Variants in CPLX2 observed in about 807,000 individuals in gnomAD.
The protein encoded by CPLX2 is complexin 2.
Under a neutral mutation model 16.3 loss-of-function variants are expected in CPLX2, and 5 were observed. That is an observed-to-expected ratio of 0.31 (90% CI 0.16 to 0.64). The LOEUF is 0.64. Ranked by LOEUF, CPLX2 falls within the 30% of genes least tolerant of loss-of-function variation. The probability of loss-of-function intolerance (pLI) is 0.79; values close to 1 mark genes in which losing one functional copy is unlikely to be tolerated. For missense variants in CPLX2, 144 were observed against 181.4 expected, an observed-to-expected ratio of 0.79 and a Z score of 1.18; for synonymous variants, 89 against 73.2, an observed-to-expected ratio of 1.22 and a Z score of -1.10.
At position 175,881,439 on chromosome 5, in the gene CPLX2, T is replaced by A. The variant is rs1008758750; in HGVS notation, c.*1394T>A. 2.0e-5 allele frequency: 3 copies of A among 153,518 alleles called. No homozygotes were observed. Among genetic ancestry groups the A allele is most frequent in the African/African-American group, 7.2e-5 (3 of 41,460 alleles). 9.5% of individuals were successfully genotyped at this position (153,518 alleles called of 1,614,324 possible). ...ATCTCGTGTTTAGAGGCTGTATATG[T>A]TAGCTTGTGTAAGAATGTGTTTTCA... is the stretch of plus-strand genomic sequence containing the variant. On this transcript the variant is annotated 3_prime_UTR_variant, in exon 4 of 4. Coordinates refer to ENST00000393745, the MANE Select transcript of CPLX2 (RefSeq NM_001008220.2).
upstream of CPLX2, chr5:175,871,459 G>GAA (rs1200323615): frequency 8.4e-5 from 12 of 142,646 alleles, no homozygotes; most frequent in South Asian, 7.3e-4. Flanking sequence ...GAGAGAGAGA[G>GAA]AGAGAGAGAG....
At chr5:175,801,570 G>A (rs1758097548) in intron 1 of CPLX2, among the ~76,000 whole-genome samples, 1 of 152,194 alleles carries the variant, frequency 6.6e-6, no homozygotes, top group African/African-American at 2.4e-5. Context: ...TTGAGAAGCT[G>A]TGTGGGTTTA....
chr5:175,880,105 CTTTTT>C lies in CPLX2; in HGVS notation c.*61_*65del, dbSNP rs774825926. The C allele has an allele frequency of 2.0e-6, 3 of 1,534,716 alleles. No individual in the cohort carries two copies. Among genetic ancestry groups the C allele is most frequent in the East Asian group, 2.4e-5 (1 of 41,480 alleles). On this transcript the variant is annotated 3_prime_UTR_variant, in exon 4 of 4. Coordinates refer to ENST00000393745, the MANE Select transcript of CPLX2 (RefSeq NM_001008220.2). Reference sequence around the variant, plus strand: ...CTACTTCTTTTTGGTTCTTTCTTTTCTTTTTATTAGGTTAAGTCTCAATTCTGAAG... The same window carrying C: ...CTACTTCTTTTTGGTTCTTTCTTTTCATTAGGTTAAGTCTCAATTCTGAAG...
chr5:175,805,806 G>A (rs532013956), intron 1 of CPLX2, among the ~76,000 whole-genome samples: 1 of 152,206 alleles, frequency 6.6e-6, no homozygotes, highest in African/African-American at 2.4e-5. Context: ...TCGTGGCTGG[G>A]AGAGGACCTC....
At chr5:175,806,768 G>A (rs1221357998) in intron 1 of CPLX2, among the ~76,000 whole-genome samples, 1 of 151,998 alleles carries the variant, frequency 6.6e-6, no homozygotes. Context: ...AAAGTGCTGG[G>A]ATTACAGGTG....
Position 175,820,806 on chromosome 5 carries a change from T to C in CPLX2, c.-89+11738T>C, listed in dbSNP as rs188946332. Among the ~76,000 whole-genome samples the C allele has an allele frequency of 5.8e-3, 879 of 152,250 alleles. 12 individuals carry two copies. The highest frequency in any genetic ancestry group is 0.02 in the African/African-American group (835 of 41,546). On this transcript the variant is annotated intron_variant, in intron 2 of 4. Transcript: ENST00000359546. ...CTCCCTTCATGGAGTTTCCTCTGCA[T>C]TGAGAGAAACAGACAATAAACAAAT...
rs188348125 is a variant in CPLX2 at position 175,849,342 on chromosome 5, G to A, written c.-88-29310G>A. Among the ~76,000 whole-genome samples the A allele has an allele frequency of 2.4e-4, 36 of 152,292 alleles. No homozygotes were observed. The East Asian group carries it at 5.4e-3, about 23-fold the overall frequency. ...AAAGGGACACCTGATGGTGAGTTTC[G>A]CAACACTGGACGTCCGTGTATACTT... On this transcript the variant is annotated intron_variant, in intron 2 of 4. Coordinates refer to the CPLX2 transcript ENST00000359546. The surrounding 1 kb of genome is among the most constrained non-coding windows in gnomAD (Gnocchi z 4.4).
At chr5:175,853,618 A>G (rs1759197688) in intron 2 of CPLX2, among the ~76,000 whole-genome samples, 1 of 152,214 alleles carries the variant, frequency 6.6e-6, no homozygotes, top group African/African-American at 2.4e-5. Flanking sequence ...AGGTAAAATT[A>G]TGAAAATAGC....
intron 1 of CPLX2, among the ~76,000 whole-genome samples, chr5:175,803,423 G>A (rs913759418): frequency 7.9e-5 from 12 of 152,128 alleles, no homozygotes; most frequent in Non-Finnish European, 1.6e-4. Flanking sequence ...GGAGTGTGCC[G>A]AGGAGGATGA....
intron 2 of CPLX2, among the ~76,000 whole-genome samples, chr5:175,852,489 A>G (rs6420088): frequency 0.94 from 142,507 of 152,282 alleles, 66,723 homozygotes; most frequent in East Asian, 0.98. Context: ...AGCACCAAAC[A>G]GCTAGAGTTC....
intron 2 of CPLX2, among the ~76,000 whole-genome samples, chr5:175,841,411 T>C (rs1345565757): frequency 1.3e-5 from 2 of 152,020 alleles, no homozygotes; most frequent in African/African-American, 4.8e-5. Context: ...GAGTCACGCT[T>C]GTGAAGAGGA....
At chr5:175,838,789 C>T (rs1363785444) in intron 2 of CPLX2, among the ~76,000 whole-genome samples, 1 of 152,230 alleles carries the variant, frequency 6.6e-6, no homozygotes, top group African/African-American at 2.4e-5. Flanking sequence ...GCAGCCAGTG[C>T]ATCTTCACTC....
rs114711468 is a variant in CPLX2, at chr5:175,849,117, T to G, written c.-88-29535T>G. 6.6e-6 allele frequency among the ~76,000 whole-genome samples: 1 copy of G among 152,206 alleles called. No individual in the cohort carries two copies. The highest frequency in any genetic ancestry group is 1.5e-5 in the Non-Finnish European group (1 of 68,046). On this transcript the variant is annotated intron_variant, in intron 2 of 4. Coordinates refer to the CPLX2 transcript ENST00000359546. This position sits in a 1 kb window ranked among gnomAD's most constrained non-coding sequence, Gnocchi z 4.4. ...ATCCCTCCTCTGCTGTGGGAGGCTG[T>G]GCTGGTGTGTGTTTTTAACACCAGC...
Position 175,880,093 on chromosome 5 carries a change from GTTC to G in CPLX2, c.*51_*53del, listed in dbSNP as rs1213225658. Reference sequence around the variant, plus strand: ...CTCCACCTGTTACTACTTCTTTTTGGTTCTTTCTTTTCTTTTTATTAGGTTAAG... The same window carrying G: ...CTCCACCTGTTACTACTTCTTTTTGGTTTCTTTTCTTTTTATTAGGTTAAG... On this transcript the variant is annotated 3_prime_UTR_variant, in exon 4 of 4. Transcript: ENST00000393745. 3.8e-6 allele frequency: 6 copies of G among 1,562,518 alleles called. No homozygotes were observed. The highest frequency in any genetic ancestry group is 5.2e-6 in the Non-Finnish European group (6 of 1,149,232).
At chr5:175,843,348 A>G (rs893649519) in intron 2 of CPLX2, among the ~76,000 whole-genome samples, 3 of 152,202 alleles carry the variant, frequency 2.0e-5, no homozygotes, top group Non-Finnish European at 2.9e-5. Context: ...GGTCTCACGC[A>G]TGCACACACC....
chr5:175,856,955 C>A (rs1417099590), intron 2 of CPLX2, among the ~76,000 whole-genome samples: 1 of 152,136 alleles, frequency 6.6e-6, no homozygotes. Flanking sequence ...TGGCAATTCG[C>A]TAAGGAAACT....
chr5:175,851,511 T>C (rs1006236786), intron 2 of CPLX2, among the ~76,000 whole-genome samples: 12 of 152,214 alleles, frequency 7.9e-5, no homozygotes, highest in Non-Finnish European at 1.2e-4. Flanking sequence ...AGTCACTTCA[T>C]GGCCCAGACC....
chr5:175,836,305 G>C (rs577129433), intron 2 of CPLX2, among the ~76,000 whole-genome samples: 3 of 152,208 alleles, frequency 2.0e-5, no homozygotes, highest in East Asian at 1.9e-4. Context: ...AGCCGAGATC[G>C]TGCCACTGCA....
At chr5:175,858,853 C>A (rs1015286609) in intron 2 of CPLX2, among the ~76,000 whole-genome samples, 32 of 152,354 alleles carry the variant, frequency 2.1e-4, no homozygotes, top group African/African-American at 7.5e-4. Flanking sequence ...GTTGATTGGT[C>A]TATGTGGGGC....
Sources: allele counts gnomAD v4.1 joint callset (sites outside exome capture counted in the v4.1 genomes callset), GRCh38; gene constraint gnomAD v4.1.1; non-coding constraint Gnocchi (gnomAD v3.1); transcripts MANE v1.5; gene names NCBI Gene and HGNC (gene_info 2026-07-23, HGNC 2026-07-21).